Variants in CBFA2T2 observed in about 807,000 individuals in gnomAD.
CBFA2T2 encodes protein CBFA2T2.
A neutral mutation model predicts 62.2 loss-of-function variants in CBFA2T2; 11 were observed. That is an observed-to-expected ratio of 0.18 (90% CI 0.11 to 0.29). CBFA2T2 has a LOEUF of 0.29. CBFA2T2 is among the 10% of genes least tolerant of loss of function. The pLI, the probability that CBFA2T2 is intolerant of heterozygous loss-of-function variation, is 1.00. For missense variants in CBFA2T2, 592 were observed against 774.1 expected (o/e 0.76, Z 2.79); for synonymous variants, 295 against 287.5 (o/e 1.03, Z -0.27).
At position 33,643,048 on chromosome 20, in the gene CBFA2T2, C is replaced by T. The variant is rs188998616; in HGVS notation, c.1489-1299C>T. Among the ~76,000 whole-genome samples, 40 of 152,328 alleles carry T rather than the reference C, an allele frequency of 2.6e-4. No homozygotes were observed. In the South Asian group the frequency reaches 4.1e-3, roughly 16 times the overall value. ...GCATTGGACCAAAACGGCTGATTCT[C>T]GTCCATCAAGAATGTTCAGCTAGAA... On this transcript the variant is annotated intron_variant, in intron 10 of 10. Transcript: ENST00000342704.
chr20:33,632,046 G>A (rs966082020), intron 8 of CBFA2T2, among the ~76,000 whole-genome samples: 3 of 152,128 alleles, frequency 2.0e-5, no homozygotes, highest in African/African-American at 7.2e-5. Flanking sequence ...TTGTTTGTTT[G>A]TTCGTTTTTG....
In CBFA2T2 at chr20:33,540,742, G is replaced by A. The variant is rs181799878; in HGVS notation, c.34+50441G>A. Among the ~76,000 whole-genome samples, 23 of 152,254 alleles carry A rather than the reference G, an allele frequency of 1.5e-4. No individual in the cohort carries two copies. The East Asian group carries it at 1.5e-3, about 10-fold the overall frequency. ...GTGTTAAAAAGCCATAGTAAAAGCC[G>A]TAGTAATCATTCTAAACTGTTGGAT... On this transcript the variant is annotated intron_variant, in intron 1 of 10. Coordinates refer to ENST00000342704, the MANE Select transcript of CBFA2T2 (RefSeq NM_001032999.3).
intron 9 of CBFA2T2, 26 bp downstream of exon 9, chr20:33,636,734 A>G (rs1210386540): frequency 3.3e-6 from 5 of 1,536,374 alleles, no homozygotes; most frequent in African/African-American, 2.7e-5. Context: ...CTTGTAGGTC[A>G]TACATACTCA....
At chr20:33,549,861 CTTTTTTTTTTTT>C (rs368043905) in intron 1 of CBFA2T2, among the ~76,000 whole-genome samples, 1 of 124,288 alleles carries the variant, frequency 8.0e-6, no homozygotes, top group Non-Finnish European at 1.7e-5. Flanking sequence ...ATGGCTGCTG[CTTTTTTTTTTTT>C]TTTTTTTTCT....
At chr20:33,520,620 A>G (rs2011702276) in intron 1 of CBFA2T2, among the ~76,000 whole-genome samples, 1 of 151,892 alleles carries the variant, frequency 6.6e-6, no homozygotes, top group South Asian at 2.1e-4. Context: ...AAAATGCAAA[A>G]ATTAGCTGGG....
At chr20:33,576,527 A>G (rs371192715) in intron 1 of CBFA2T2, among the ~76,000 whole-genome samples, 1 of 152,234 alleles carries the variant, frequency 6.6e-6, no homozygotes, top group East Asian at 1.9e-4. Flanking sequence ...TTTTATTTTT[A>G]TAGAGGAGAA....
At chr20:33,640,582 C>T (rs1226414653) in intron 10 of CBFA2T2, 51 bp downstream of exon 10, 3 of 1,545,844 alleles carry the variant, frequency 1.9e-6, no homozygotes, top group Non-Finnish European at 2.7e-6. Context: ...AGTGACCACG[C>T]CCGCTGCCTT....
intron 10 of CBFA2T2, among the ~76,000 whole-genome samples, chr20:33,641,765 T>C (rs893303954): frequency 6.6e-6 from 1 of 152,170 alleles, no homozygotes; most frequent in South Asian, 2.1e-4. Context: ...ATATTTTTAA[T>C]AGAGATGGGC....
chr20:33,594,056 A>T (rs2146929599), intron 1 of CBFA2T2, among the ~76,000 whole-genome samples: 1 of 152,292 alleles, frequency 6.6e-6, no homozygotes, highest in South Asian at 2.1e-4. Flanking sequence ...CTACGTGATG[A>T]ATGGACTGAA....
chr20:33,561,289 G>C (rs2013080798), intron 1 of CBFA2T2, among the ~76,000 whole-genome samples: 1 of 151,948 alleles, frequency 6.6e-6, no homozygotes, highest in Non-Finnish European at 1.5e-5. Flanking sequence ...TGCCCAGGCT[G>C]ATCTCAAACG....
intron 1 of CBFA2T2, among the ~76,000 whole-genome samples, chr20:33,536,437 C>T (rs1241700990): frequency 6.7e-6 from 1 of 149,028 alleles, no homozygotes; most frequent in African/African-American, 2.5e-5. Context: ...CTGACCCCCC[C>T]ACCTCCCTCC....
At chr20:33,560,902 G>A (rs2013063346) in intron 1 of CBFA2T2, among the ~76,000 whole-genome samples, 2 of 151,718 alleles carry the variant, frequency 1.3e-5, no homozygotes, top group African/African-American at 2.4e-5. Context: ...TTTTTGAGAC[G>A]GAGTCTCGCT....
chr20:33,596,804 G>A (rs1601032143), intron 1 of CBFA2T2, among the ~76,000 whole-genome samples: 1 of 151,810 alleles, frequency 6.6e-6, no homozygotes, highest in Non-Finnish European at 1.5e-5. Flanking sequence ...AGGTAATCCT[G>A]ATCTTCAGTT....
chr20:33,490,606 GT>G (rs1328672503), intron 1 of CBFA2T2, among the ~76,000 whole-genome samples: 1 of 152,192 alleles, frequency 6.6e-6, no homozygotes, highest in Non-Finnish European at 1.5e-5. Flanking sequence ...GAATCATTTT[GT>G]TGTCCCAGCG....
intron 1 of CBFA2T2, among the ~76,000 whole-genome samples, chr20:33,536,198 CG>C (rs2012221195): frequency 6.6e-6 from 1 of 152,190 alleles, no homozygotes; most frequent in Non-Finnish European, 1.5e-5. Context: ...ACCTCCCAGA[CG>C]GGGTGGTGGC....
At chr20:33,586,998 A>G (rs148486638) in intron 1 of CBFA2T2, among the ~76,000 whole-genome samples, 3,377 of 150,246 alleles carry the variant, frequency 0.022, 116 homozygotes, top group African/African-American at 0.078. Flanking sequence ...CTGGAGTGCA[A>G]TAGTGTGATC....
At chr20:33,490,363 C>T in intron 1 of CBFA2T2, 62 bp downstream of exon 1, 7 of 1,240,110 alleles carry the variant, frequency 5.6e-6, no homozygotes, top group Non-Finnish European at 7.1e-6. Flanking sequence ...GCTCCGCAGG[C>T]GCGGTGATTC....
rs2016387046 is a variant in CBFA2T2 at position 33,629,868 on chromosome 20, G to A, written c.1182G>A (p.Leu394=). The A allele has an allele frequency of 3.7e-6, 6 of 1,614,062 alleles. No homozygotes were observed. The East Asian group carries it at 1.1e-4, about 30-fold the overall frequency. The change falls in exon 8 of 11, where the codon TTG becomes TTA. Residue 394 remains leucine, a synonymous_variant. Coordinates refer to ENST00000342704, the MANE Select transcript of CBFA2T2 (RefSeq NM_001032999.3). ...NTELRKTGTE[L]VSRQHSPGSA... ...AGCTGAGGAAAACGGGGACCGAGTT[G>A]GTCTCCAGGCAGCACAGCCCTGGGA...
chr20:33,640,269 T>C (rs2016780388), intron 9 of CBFA2T2, 72 bp from the exon 10 acceptor site: 1 of 1,372,016 alleles, frequency 7.3e-7, no homozygotes, highest in Non-Finnish European at 1.0e-6. Flanking sequence ...GCTCTCTCCT[T>C]ACTTAGAATT....
Sources: allele counts gnomAD v4.1 joint callset (sites outside exome capture counted in the v4.1 genomes callset), GRCh38; gene constraint gnomAD v4.1.1; transcripts MANE v1.5; gene names NCBI Gene and HGNC (gene_info 2026-07-23, HGNC 2026-07-21).